USP13: variants seen among roughly 807,000 people sequenced by gnomAD.
USP13 encodes ubiquitin specific peptidase 13, also known as ubiquitin carboxyl-terminal hydrolase 13.
A neutral mutation model predicts 107.8 loss-of-function variants in USP13; 68 were observed. The observed-to-expected ratio is 0.63, with a 90% confidence interval of 0.52 to 0.77. USP13 has a LOEUF of 0.77. Ranked by LOEUF, USP13 falls within the 30% of genes least tolerant of loss-of-function variation. The probability of loss-of-function intolerance (pLI) is 0.00; values close to 1 mark genes in which losing one functional copy is unlikely to be tolerated. For synonymous variants in USP13, 377 were observed against 389.5 expected, an observed-to-expected ratio of 0.97 and a Z score of 0.38; for missense variants, 945 against 1,093.3, an observed-to-expected ratio of 0.86 and a Z score of 1.91.
chr3:179,721,027 T>C lies in USP13; in HGVS notation c.901-375T>C, dbSNP rs996097227. ...TTTTGCTATGTTGCTCAGGTGGGTCTCGAACTCCTGACTTCAGGTGATCTG... is the reference window on the plus strand; with the variant it reads ...TTTTGCTATGTTGCTCAGGTGGGTCCCGAACTCCTGACTTCAGGTGATCTG... On this transcript the variant is annotated intron_variant, in intron 7 of 20. Transcript: ENST00000263966. The surrounding 1 kb of genome is among the most constrained non-coding windows in gnomAD (Gnocchi z 4.3). Among the ~76,000 whole-genome samples the C allele has an allele frequency of 3.9e-5, 6 of 152,184 alleles. No individual in the cohort carries two copies. The highest frequency in any genetic ancestry group is 1.4e-4 in the African/African-American group (6 of 41,432).
chr3:179,718,319 TC>T (rs1713179621), intron 6 of USP13, among the ~76,000 whole-genome samples: 1 of 149,642 alleles, frequency 6.7e-6, no homozygotes, highest in Non-Finnish European at 1.5e-5. Flanking sequence ...GGAGACAGGG[TC>T]CTGCTCTGTC....
At chr3:179,729,618 C>T (rs535899096) in intron 8 of USP13, among the ~76,000 whole-genome samples, 10 of 152,236 alleles carry the variant, frequency 6.6e-5, no homozygotes, top group East Asian at 3.9e-4. Context: ...ATTCCAGGCA[C>T]GTGCCACTGC....
chr3:179,760,476 G>T (rs1258189705), intron 16 of USP13, among the ~76,000 whole-genome samples: 6 of 147,866 alleles, frequency 4.1e-5, no homozygotes, highest in Non-Finnish European at 6.0e-5. Context: ...GTAGAGACGG[G>T]GTTTCACCGT....
rs752765597 is a variant in USP13, at chr3:179,784,094, C to T, written c.2545C>T (p.Pro849Ser). The T allele has an allele frequency of 1.3e-5, 21 of 1,612,916 alleles. No individual in the cohort carries two copies. The highest frequency in any genetic ancestry group is 1.7e-5 in the Non-Finnish European group (20 of 1,179,656). ...DHKVCASERP[P>S]KDLGYMYFYR... is the part of the protein sequence containing the mutation. ...CAAAGTTTGTGCCTCAGAAAGGCCCCCTAAAGACCTGGGCTACATGTACTT... is the reference window on the plus strand; with the variant it reads ...CAAAGTTTGTGCCTCAGAAAGGCCCTCTAAAGACCTGGGCTACATGTACTT... Residue 849 changes from proline to serine, a missense_variant, in exon 21 of 21, where the codon CCT (proline) becomes TCT (serine). Coordinates refer to ENST00000263966, the MANE Select transcript of USP13 (RefSeq NM_003940.3).
At chr3:179,698,527 G>T (rs1397711589) in intron 3 of USP13, among the ~76,000 whole-genome samples, 3 of 151,560 alleles carry the variant, frequency 2.0e-5, no homozygotes, top group Non-Finnish European at 2.9e-5. Context: ...TTTATGCCAG[G>T]TAAGATTTGA....
intron 10 of USP13, among the ~76,000 whole-genome samples, chr3:179,731,315 G>A (rs758749901): frequency 7.2e-5 from 11 of 152,250 alleles, no homozygotes; most frequent in Admixed American, 1.3e-4. Context: ...GGAAGCTGAA[G>A]TGGGAGAATT....
At chr3:179,674,680 G>A (rs1477992441) in intron 1 of USP13, among the ~76,000 whole-genome samples, 1 of 151,672 alleles carries the variant, frequency 6.6e-6, no homozygotes, top group Non-Finnish European at 1.5e-5. Flanking sequence ...GTGCCAAAGG[G>A]TCACTGTTTT....
Position 179,752,268 on chromosome 3 carries a change from C to A in USP13, c.1710-17C>A, listed in dbSNP as rs373267622. ...TTATTGCCTTGTTTCATTGATATAT[C>A]CCCTTGTGTTTCCCAGAACATCTCG... On this transcript the variant is annotated splice_polypyrimidine_tract_variant and intron_variant, in intron 13 of 20. Coordinates refer to ENST00000263966, the MANE Select transcript of USP13 (RefSeq NM_003940.3). 1.2e-6 allele frequency: 2 copies of A among 1,604,944 alleles called. No homozygotes were observed. The highest frequency in any genetic ancestry group is 1.7e-5 in the Admixed American group (1 of 59,836).
In USP13 at chr3:179,750,457, C is replaced by T. The variant is rs1486482138; in HGVS notation, c.1710-1828C>T. 2.7e-5 allele frequency among the ~76,000 whole-genome samples: 4 copies of T among 150,670 alleles called. No homozygotes were observed. The East Asian group carries it at 7.8e-4, about 29-fold the overall frequency. ...TACTGCTTCTCAGAAGATAGAAAAA[C>T]CTAATTAGAGATAATATATAATTTC... On this transcript the variant is annotated intron_variant, in intron 13 of 20. Transcript: ENST00000263966.
At chr3:179,722,270 G>A (rs1713353070) in intron 8 of USP13, among the ~76,000 whole-genome samples, 2 of 152,074 alleles carry the variant, frequency 1.3e-5, no homozygotes, top group Non-Finnish European at 2.9e-5. Context: ...TCTTGTGGGG[G>A]ACTGGAATTT....
chr3:179,754,674 G>A (rs1193631514), intron 14 of USP13, 58 bp from the exon 15 acceptor site: 1 of 1,571,882 alleles, frequency 6.4e-7, no homozygotes, highest in Non-Finnish European at 8.6e-7. Flanking sequence ...TATAGTGCTG[G>A]TATTATAATA....
At chr3:179,739,306 G>A (rs180782520) in intron 10 of USP13, among the ~76,000 whole-genome samples, 113 of 152,252 alleles carry the variant, frequency 7.4e-4, no homozygotes, top group South Asian at 3.5e-3. Flanking sequence ...TTCTTCCCCC[G>A]CAGCCTTTCT....
chr3:179,701,179 GGTGTGT>G, intron 4 of USP13, 50 bp downstream of exon 4: 1 of 1,409,072 alleles, frequency 7.1e-7, no homozygotes, highest in South Asian at 1.2e-5. Flanking sequence ...CTCTGTGTCA[GGTGTGT>G]GTGCGTGTGC....
intron 1 of USP13, among the ~76,000 whole-genome samples, chr3:179,680,818 G>C (rs914916092): frequency 2.1e-5 from 3 of 144,598 alleles, no homozygotes; most frequent in African/African-American, 7.6e-5. Flanking sequence ...TGGGATTACA[G>C]GCATGAGTCA....
At chr3:179,736,165 C>T (rs2108508770) in intron 10 of USP13, among the ~76,000 whole-genome samples, 1 of 152,278 alleles carries the variant, frequency 6.6e-6, no homozygotes, top group African/African-American at 2.4e-5. Context: ...TCTAAAGTCC[C>T]CCTCCTTTTC....
intron 5 of USP13, among the ~76,000 whole-genome samples, chr3:179,708,308 ATTT>A (rs35675174): frequency 6.3e-5 from 9 of 142,474 alleles, no homozygotes; most frequent in Non-Finnish European, 1.1e-4. Flanking sequence ...AGGAACAATA[ATTT>A]TTTTTTTTTT....
intron 10 of USP13, among the ~76,000 whole-genome samples, chr3:179,734,141 AT>A (rs1217654810): frequency 1.3e-5 from 2 of 152,334 alleles, no homozygotes; most frequent in East Asian, 3.9e-4. Flanking sequence ...TTAATCTGCT[AT>A]AAACCAAGGT....
chr3:179,664,132 T>G (rs949933805), intron 1 of USP13, among the ~76,000 whole-genome samples: 5 of 133,770 alleles, frequency 3.7e-5, no homozygotes, highest in South Asian at 2.4e-4. Context: ...CTGGGTGTGT[T>G]TTTTTTTTTT....
chr3:179,772,411 T>C (rs915006905), intron 19 of USP13, among the ~76,000 whole-genome samples: 1 of 152,250 alleles, frequency 6.6e-6, no homozygotes, highest in Non-Finnish European at 1.5e-5. Context: ...TCAGCCACTT[T>C]GGTGTAATGG....
Sources: allele counts gnomAD v4.1 joint callset (sites outside exome capture counted in the v4.1 genomes callset), GRCh38; gene constraint gnomAD v4.1.1; non-coding constraint Gnocchi (gnomAD v3.1); transcripts MANE v1.5; gene names NCBI Gene and HGNC (gene_info 2026-07-23, HGNC 2026-07-21).